Variants in KDM5A observed in about 807,000 individuals in gnomAD.
KDM5A encodes lysine demethylase 5A.
KDM5A carries 42 observed loss-of-function variants against 193.5 expected under a neutral mutation model. The observed-to-expected ratio is 0.22, with a 90% CI of 0.17 to 0.28. The LOEUF (loss-of-function observed/expected upper bound fraction) is 0.28. KDM5A is among the 10% of genes least tolerant of loss of function. The probability of loss-of-function intolerance (pLI) is 1.00; values close to 1 mark genes in which losing one functional copy is unlikely to be tolerated. For synonymous variants in KDM5A, 796 were observed against 718.1 expected, an observed-to-expected ratio of 1.11 and a Z score of -1.73; for missense variants, 1,692 against 2,055.1, an observed-to-expected ratio of 0.82 and a Z score of 3.42.
intron 22 of KDM5A, 71 bp downstream of exon 22, chr12:309,732 G>T: frequency 1.3e-6 from 2 of 1,488,394 alleles, no homozygotes; most frequent in Non-Finnish European, 1.9e-6. Context: ...CATAAAAACT[G>T]TGAGTCTGCT....
rs1041388477 is a variant in KDM5A, at chr12:320,874, A to G, written c.2541+121T>C. 8 of 769,772 alleles carry G rather than the reference A, an allele frequency of 1.0e-5. No individual in the cohort carries two copies. In the African/African-American group the frequency reaches 1.4e-4, roughly 13 times the overall value. 47.7% of individuals were successfully genotyped at this position (769,772 alleles called of 1,614,324 possible). ...ACTAAAGAACCTCAAATAGCAGCAT[A>G]TATGTGAGAGAAAAAAAAAATCAGA... On this transcript the variant is annotated intron_variant, in intron 18 of 27. Coordinates refer to ENST00000399788, the MANE Select transcript of KDM5A (RefSeq NM_001042603.3).
chr12:363,010 T>C lies in KDM5A; in HGVS notation c.625A>G (p.Thr209Ala), dbSNP rs1944311087. Residue 209 changes from threonine to alanine, a missense_variant, in exon 5 of 28, where the codon ACA becomes GCA. This residue lies in a region of KDM5A where 134 missense variants were observed against 124.2 expected (regional missense o/e 1.08). Transcript: ENST00000399788. ...TDTQTSPEPGTRMNILPKRTR... is the reference protein window; with the variant it reads ...TDTQTSPEPGARMNILPKRTR... ...CTCTTCGGCAGAATGTTCATCCTTG[T>C]GCCTGGCTCTGGGGAAGTTTGGGTA... The C allele has an allele frequency of 1.2e-6, 2 of 1,614,212 alleles. No individual in the cohort carries two copies. The highest frequency in any genetic ancestry group is 1.7e-6 in the Non-Finnish European group (2 of 1,180,030).
chr12:292,265 T>G (rs1943305119), intron 27 of KDM5A, among the ~76,000 whole-genome samples: 2 of 152,202 alleles, frequency 1.3e-5, no homozygotes, highest in African/African-American at 4.8e-5. Flanking sequence ...GAAAATCATA[T>G]TCCATTTAGG....
chr12:290,832 G>A (rs1943283100), intron 27 of KDM5A, among the ~76,000 whole-genome samples: 1 of 152,140 alleles, frequency 6.6e-6, no homozygotes, highest in South Asian at 2.1e-4. Context: ...AAGTGATAAG[G>A]AGAAAGAGTA....
At chr12:366,661 T>G (rs529851000) in intron 3 of KDM5A, among the ~76,000 whole-genome samples, 2 of 152,308 alleles carry the variant, frequency 1.3e-5, no homozygotes, top group Non-Finnish European at 2.9e-5. Flanking sequence ...TAGGTTGCAG[T>G]AGATTTACCG....
At chr12:353,936 AGTCCTGG>A in intron 8 of KDM5A, 133 bp downstream of exon 8, 3 of 686,594 alleles carry the variant, frequency 4.4e-6, no homozygotes, top group South Asian at 1.9e-5. Context: ...AAAAAAAAAA[AGTCCTGG>A]AAATTTTAAA....
At chr12:370,612 T>TC (rs71045052) in intron 3 of KDM5A, among the ~76,000 whole-genome samples, 94,113 of 141,374 alleles carry the variant, frequency 0.67, 30,266 homozygotes, top group Middle Eastern at 0.74. Flanking sequence ...GAACAGAGAC[T>TC]TTTTTTTTTT....
Position 284,323 on chromosome 12 carries a change from CTTT to C in KDM5A, c.*1130_*1132del. Reference sequence around the variant, plus strand: ...ATTTAGAAAAAAGTAAAAACAAGTCCTTTTTTTTTTTTAAAAATGGATTTACTA... The same window carrying C: ...ATTTAGAAAAAAGTAAAAACAAGTCCTTTTTTTTTAAAAATGGATTTACTA... On this transcript the variant is annotated 3_prime_UTR_variant, in exon 28 of 28. Coordinates refer to ENST00000399788, the MANE Select transcript of KDM5A (RefSeq NM_001042603.3). The C allele has an allele frequency of 4.9e-6, 1 of 203,676 alleles. No homozygotes were observed. 12.6% of individuals were successfully genotyped at this position (203,676 alleles called of 1,614,324 possible). A position where few individuals can be genotyped will look rare whatever the true frequency, so the allele number is the denominator to read the frequency against.
At chr12:349,464 G>C (rs1284513178) in intron 10 of KDM5A, among the ~76,000 whole-genome samples, 3 of 151,208 alleles carry the variant, frequency 2.0e-5, no homozygotes, top group African/African-American at 7.3e-5. Flanking sequence ...TGAGTAGCTG[G>C]GATTACAGGC....
Position 384,145 on chromosome 12 carries a change from G to A in KDM5A, c.252C>T (p.Thr84=). Residue 84 remains threonine, a synonymous_variant, in exon 3 of 28, where the codon ACC becomes ACT. Transcript: ENST00000399788. ...VQRLNELEAM[T]RVRLDFLDQL... ...GATCCAAGAAATCCAATCTCACTCTGGTCATTGCCTAAGATTATTAAAATA... is the reference window on the plus strand; with the variant it reads ...GATCCAAGAAATCCAATCTCACTCTAGTCATTGCCTAAGATTATTAAAATA... 1 of 1,590,406 alleles carries A rather than the reference G, an allele frequency of 6.3e-7. No homozygotes were observed. Among genetic ancestry groups the A allele is most frequent in the Non-Finnish European group, 8.6e-7 (1 of 1,158,612 alleles).
rs1360607380 is a variant in KDM5A, at chr12:356,524, T to C, written c.686A>G (p.Asp229Gly). The change falls in exon 6 of 28, where the codon GAT (aspartate) becomes GGT (glycine). Residue 229 changes from aspartate to glycine, a missense_variant. Asp to Gly is a moderately conservative substitution (Grantham distance 94). This residue lies in a region of KDM5A where 134 missense variants were observed against 124.2 expected (regional missense o/e 1.08). Coordinates refer to ENST00000399788, the MANE Select transcript of KDM5A (RefSeq NM_001042603.3). The stretch of plus-strand genomic sequence containing the variant: ...CTTCAGTTCCGTGTTTCTACTCACA[T>C]CTCCAGATTCTGACTAAAAAATAAG... ...RRVKTQSESG[D>G]VSRNTELKKL... The C allele has an allele frequency of 4.3e-6, 7 of 1,610,070 alleles. No individual in the cohort carries two copies. Among genetic ancestry groups the C allele is most frequent in the Non-Finnish European group, 8.5e-7 (1 of 1,176,298 alleles).
chr12:383,359 T>C (rs547850594), intron 3 of KDM5A, among the ~76,000 whole-genome samples: 1 of 151,896 alleles, frequency 6.6e-6, no homozygotes, highest in Non-Finnish European at 1.5e-5. Flanking sequence ...AGACTACAGG[T>C]GTGCACCACC....
intron 14 of KDM5A, among the ~76,000 whole-genome samples, chr12:325,109 C>G (rs1943765744): frequency 1.3e-5 from 2 of 152,210 alleles, no homozygotes; most frequent in South Asian, 4.1e-4. Context: ...TCAGTTTAAT[C>G]TAGATGTCTG....
In KDM5A at chr12:297,067, G is replaced by A; in HGVS notation, c.4208C>T (p.Ser1403Phe). 6.2e-7 allele frequency: 1 copy of A among 1,614,014 alleles called. No individual in the cohort carries two copies. The highest frequency in any genetic ancestry group is 8.5e-7 in the Non-Finnish European group (1 of 1,179,990). Residue 1403 changes from serine to phenylalanine, a missense_variant, in exon 25 of 28, where the codon TCT becomes TTT. Ser to Phe is a radical substitution (Grantham distance 155, BLOSUM62 -2). Around this residue, in one of 11 missense-constraint regions of KDM5A, gnomAD observed 965 missense variants for 1,061.0 expected, o/e 0.91. Coordinates refer to ENST00000399788, the MANE Select transcript of KDM5A (RefSeq NM_001042603.3). ...APSFCAEHAYSSASKSCSQGS... is the reference protein window; with the variant it reads ...APSFCAEHAYFSASKSCSQGS... ...TTGAGAACAACTCTTAGAAGCAGAA[G>A]AATAAGCATGCTCTGCACAAAATGA...
At chr12:329,809 TATAC>T (rs1241616274) in intron 13 of KDM5A, among the ~76,000 whole-genome samples, 12 of 152,130 alleles carry the variant, frequency 7.9e-5, no homozygotes, top group African/African-American at 2.9e-4. Context: ...CCTACACGTA[TATAC>T]GCACTCCAAC....
chr12:349,177 C>T (rs1459915118), intron 10 of KDM5A, among the ~76,000 whole-genome samples: 5 of 151,888 alleles, frequency 3.3e-5, no homozygotes, highest in South Asian at 2.1e-4. Context: ...TGTGCCACCA[C>T]GCCCAGTTAA....
chr12:372,705 C>T (rs1363825714), intron 3 of KDM5A, among the ~76,000 whole-genome samples: 2 of 152,236 alleles, frequency 1.3e-5, no homozygotes, highest in Admixed American at 6.5e-5. Context: ...TTTTGCCCAT[C>T]CAGTATGATA....
At chr12:292,620 T>C (rs1037951982) in intron 27 of KDM5A, 139 bp downstream of exon 27, 2 of 1,050,292 alleles carry the variant, frequency 1.9e-6, no homozygotes, top group Admixed American at 2.0e-5. Flanking sequence ...AAACAGTTTA[T>C]AGAAATTGTA....
intron 10 of KDM5A, among the ~76,000 whole-genome samples, chr12:338,237 GC>G (rs1943958711): frequency 6.6e-6 from 1 of 152,126 alleles, no homozygotes; most frequent in African/African-American, 2.4e-5. Context: ...GGCTCACAAT[GC>G]CCCAGACTAT....
Sources: allele counts gnomAD v4.1 joint callset (sites outside exome capture counted in the v4.1 genomes callset), GRCh38; gene constraint gnomAD v4.1.1; regional missense constraint gnomAD v4.1.1; transcripts MANE v1.5; gene names NCBI Gene and HGNC (gene_info 2026-07-23, HGNC 2026-07-21).